Variants in GDPD1 observed in about 807,000 individuals in gnomAD.
GDPD1 encodes the protein lysophospholipase D GDPD1.
GDPD1 carries 28 observed loss-of-function variants against 45.1 expected under a neutral mutation model. The observed-to-expected ratio is 0.62, with a 90% CI of 0.46 to 0.85. The LOEUF (loss-of-function observed/expected upper bound fraction) is 0.85. GDPD1 is among the 40% of genes least tolerant of loss of function. GDPD1 has a pLI of 0.00. For synonymous variants in GDPD1, 139 were observed against 131.4 expected (o/e 1.06, Z -0.40); for missense variants, 256 against 364.8 (o/e 0.70, Z 2.43).
chr17:59,247,635 T>A (rs2047222103), intron 3 of GDPD1, among the ~76,000 whole-genome samples: 1 of 140,794 alleles, frequency 7.1e-6, no homozygotes, highest in African/African-American at 2.9e-5. Context: ...CTGCACTGAA[T>A]TTTTTTTTTT....
At chr17:59,234,677 T>C (rs2047118537) in intron 2 of GDPD1, 143 bp downstream of exon 2, 2 of 639,540 alleles carry the variant, frequency 3.1e-6, no homozygotes, top group Non-Finnish European at 5.4e-6. Flanking sequence ...TAAAATTTCT[T>C]TTTTTAATTA....
chr17:59,269,482 C>A (rs542258752), intron 7 of GDPD1, among the ~76,000 whole-genome samples: 3 of 147,144 alleles, frequency 2.0e-5, no homozygotes, highest in Admixed American at 1.4e-4. Flanking sequence ...TCTACCCCCC[C>A]CCCCAAAAAA....
chr17:59,245,620 G>A (rs1410866104), intron 3 of GDPD1, 71 bp downstream of exon 3: 6 of 1,164,574 alleles, frequency 5.2e-6, no homozygotes, highest in Admixed American at 2.5e-5. Context: ...TTAAAATAGC[G>A]AATATCAGCA....
At chr17:59,255,114 G>T (rs2047286141) in intron 4 of GDPD1, among the ~76,000 whole-genome samples, 1 of 151,916 alleles carries the variant, frequency 6.6e-6, no homozygotes, top group Non-Finnish European at 1.5e-5. Context: ...TTTCTGACAT[G>T]GATTTCATTT....
chr17:59,237,361 A>G (rs1198217035), intron 2 of GDPD1, among the ~76,000 whole-genome samples: 1 of 152,220 alleles, frequency 6.6e-6, no homozygotes, highest in African/African-American at 2.4e-5. Context: ...AGATGGCACC[A>G]CTGTACTCCA....
At chr17:59,262,628 TG>T (rs1252008579) in intron 6 of GDPD1, among the ~76,000 whole-genome samples, 5 of 100,410 alleles carry the variant, frequency 5.0e-5, no homozygotes, top group Non-Finnish European at 1.1e-4. Flanking sequence ...ATCTTGGTTT[TG>T]TTTTTTTTTG....
At chr17:59,248,944 G>C (rs2047233118) in intron 4 of GDPD1, 159 bp downstream of exon 4, 1 of 523,328 alleles carries the variant, frequency 1.9e-6, no homozygotes, top group Non-Finnish European at 3.4e-6. Flanking sequence ...AAATTATCAG[G>C]TCCAAAGAGT....
intron 1 of GDPD1, among the ~76,000 whole-genome samples, chr17:59,233,252 G>A (rs1388481392): frequency 6.6e-6 from 1 of 151,266 alleles, no homozygotes; most frequent in African/African-American, 2.4e-5. Context: ...GGTGGCTCAC[G>A]CCTGTAATCC....
intron 7 of GDPD1, among the ~76,000 whole-genome samples, chr17:59,267,437 A>G (rs1190159158): frequency 6.6e-6 from 1 of 152,146 alleles, no homozygotes; most frequent in African/African-American, 2.4e-5. Context: ...TACAGAAGGT[A>G]AATAATTATT....
rs150939754 is a variant in GDPD1 at position 59,257,189 on chromosome 17, C to T, written c.435C>T (p.Asn145=). 6.2e-7 allele frequency: 1 copy of T among 1,606,424 alleles called. No homozygotes were observed. Among genetic ancestry groups the T allele is most frequent in the Non-Finnish European group, 8.5e-7 (1 of 1,176,344 alleles). The part of the protein sequence containing the change: ...LLKEVFEAFP[N]TPINIDIKVN... ...AGGAAGTTTTTGAGGCCTTTCCTAA[C>T]ACTCCCATTAACATCGATATCAAAG... Residue 145 remains asparagine, a synonymous_variant, in exon 5 of 10, where the codon AAC becomes AAT. Coordinates refer to ENST00000284116, the MANE Select transcript of GDPD1 (RefSeq NM_182569.4).
chr17:59,261,072 T>A (rs567892080), intron 6 of GDPD1, among the ~76,000 whole-genome samples: 1 of 152,218 alleles, frequency 6.6e-6, no homozygotes, highest in East Asian at 1.9e-4. Flanking sequence ...TTCAAGAGGT[T>A]CTCCTGCCTC....
Position 59,273,900 on chromosome 17 carries a change from A to C in GDPD1, c.*127A>C. On this transcript the variant is annotated 3_prime_UTR_variant, in exon 10 of 10. Coordinates refer to ENST00000284116, the MANE Select transcript of GDPD1 (RefSeq NM_182569.4). Reference sequence around the variant, plus strand: ...AATCAGTTTTTATTACCTCATTTTTAAGCCTGTATGAGAATGTAGAAACTA... The same window carrying C: ...AATCAGTTTTTATTACCTCATTTTTCAGCCTGTATGAGAATGTAGAAACTA... 8.6e-7 allele frequency: 1 copy of C among 1,167,462 alleles called. No homozygotes were observed. The allele number at this position is 1,167,462 out of a possible 1,614,324, so 72.3% of individuals were successfully genotyped here.
chr17:59,255,815 G>GTATATATGTA (rs2047299283), intron 4 of GDPD1, among the ~76,000 whole-genome samples: 4 of 49,156 alleles, frequency 8.1e-5, no homozygotes, highest in Admixed American at 2.8e-4. Context: ...ATATATACGC[G>GTATATATGTA]TATATATATA....
At chr17:59,221,120 G>A (rs2047000804) in intron 1 of GDPD1, among the ~76,000 whole-genome samples, 1 of 152,122 alleles carries the variant, frequency 6.6e-6, no homozygotes, top group Non-Finnish European at 1.5e-5. Flanking sequence ...GCAGAACCGA[G>A]GGTACCCCGC....
chr17:59,270,912 A>G, intron 7 of GDPD1, 24 bp from the exon 8 acceptor site: 2 of 1,496,518 alleles, frequency 1.3e-6, no homozygotes, highest in Non-Finnish European at 1.8e-6. Flanking sequence ...TCTAATTTGT[A>G]ATTCAAACTT....
intron 1 of GDPD1, among the ~76,000 whole-genome samples, chr17:59,232,620 T>A (rs2047100182): frequency 6.6e-6 from 1 of 152,156 alleles, no homozygotes; most frequent in Admixed American, 6.6e-5. Context: ...ATAGATGATG[T>A]TAACATGGCA....
At chr17:59,253,765 A>G (rs2147892642) in intron 4 of GDPD1, among the ~76,000 whole-genome samples, 1 of 152,218 alleles carries the variant, frequency 6.6e-6, no homozygotes, top group Middle Eastern at 3.4e-3. Context: ...GGAGAAAGAC[A>G]CTGATTGGCC....
intron 2 of GDPD1, among the ~76,000 whole-genome samples, chr17:59,239,395 TG>T (rs2047158289): frequency 6.6e-6 from 1 of 152,152 alleles, no homozygotes; most frequent in East Asian, 1.9e-4. Flanking sequence ...ACTTCTTTTT[TG>T]TATTTTTTTT....
At chr17:59,272,977 T>G in intron 9 of GDPD1, 141 bp downstream of exon 9, 5 of 1,547,618 alleles carry the variant, frequency 3.2e-6, no homozygotes, top group Non-Finnish European at 3.5e-6. Context: ...ATGAGGACCT[T>G]AAGCTCTTCC....
Sources: gnomAD v4.1 joint callset for allele counts (sites outside exome capture counted in the v4.1 genomes callset) on GRCh38, gnomAD v4.1.1 for gene constraint, MANE v1.5 for transcripts, NCBI Gene and HGNC (gene_info 2026-07-23, HGNC 2026-07-21) for gene names.